TOP1: variants seen among roughly 807,000 people sequenced by gnomAD.
TOP1 encodes the protein DNA topoisomerase I, also known as DNA topoisomerase 1.
A neutral mutation model predicts 111.1 loss-of-function variants in TOP1; 10 were observed. That is an observed-to-expected ratio of 0.09 (90% CI 0.06 to 0.15). TOP1 has a LOEUF of 0.15. Ranked by LOEUF, TOP1 falls within the 10% of genes least tolerant of loss-of-function variation. The probability of loss-of-function intolerance (pLI) is 1.00; values close to 1 mark genes in which losing one functional copy is unlikely to be tolerated. For missense variants in TOP1, 474 were observed against 926.7 expected, an observed-to-expected ratio of 0.51 and a Z score of 6.34; for synonymous variants, 271 against 302.9, an observed-to-expected ratio of 0.89 and a Z score of 1.10.
At position 41,098,459 on chromosome 20, in the gene TOP1, G is replaced by C. The variant is rs1478816788; in HGVS notation, c.975+122G>C. The C allele has an allele frequency of 2.7e-6, 3 of 1,127,288 alleles. No individual in the cohort carries two copies. Among genetic ancestry groups the C allele is most frequent in the Non-Finnish European group, 3.8e-6 (3 of 799,322 alleles). 69.8% of individuals were successfully genotyped at this position (1,127,288 alleles called of 1,614,324 possible). A position where few individuals can be genotyped will look rare whatever the true frequency, so the allele number is the denominator to read the frequency against. ...TAATTTCACATCATTCTATGCTAAA[G>C]ACTTAGAGTTCTCAAAGTCTAAATT... On this transcript the variant is annotated intron_variant, in intron 11 of 20. Coordinates refer to ENST00000361337, the MANE Select transcript of TOP1 (RefSeq NM_003286.4). The surrounding 1 kb of genome is among the most constrained non-coding windows in gnomAD (Gnocchi z 5.7).
rs1342363017 is a variant in TOP1, at chr20:41,070,464, A to C, written c.156-5707A>C. Reference sequence around the variant, plus strand: ...GTGTAATGATGATGGACATTAAGGAACCCTTGTTTCTTAGTGCCTTTTGGA... The same window carrying C: ...GTGTAATGATGATGGACATTAAGGACCCCTTGTTTCTTAGTGCCTTTTGGA... On this transcript the variant is annotated intron_variant, in intron 3 of 20. Coordinates refer to ENST00000361337, the MANE Select transcript of TOP1 (RefSeq NM_003286.4). Among the ~76,000 whole-genome samples the C allele has an allele frequency of 2.6e-5, 4 of 152,312 alleles. No homozygotes were observed. In the East Asian group the frequency reaches 5.8e-4, roughly 22 times the overall value.
intron 2 of TOP1, among the ~76,000 whole-genome samples, chr20:41,054,067 G>A (rs772259324): frequency 1.1e-4 from 17 of 152,152 alleles, no homozygotes; most frequent in Non-Finnish European, 1.6e-4. Context: ...AAACTTAGAG[G>A]TGATATATGT....
chr20:41,062,858 TC>T (rs2033562184), intron 3 of TOP1, among the ~76,000 whole-genome samples: 1 of 152,232 alleles, frequency 6.6e-6, no homozygotes, highest in Non-Finnish European at 1.5e-5. Context: ...ACCAACTTGA[TC>T]TAATCGACAT....
At chr20:41,047,419 A>G in intron 2 of TOP1, among the ~76,000 whole-genome samples, 1 of 152,258 alleles carries the variant, frequency 6.6e-6, no homozygotes. Context: ...GCAACAGGCT[A>G]TACCATATAG....
chr20:41,077,301 G>A lies in TOP1; in HGVS notation c.280-281G>A, dbSNP rs371897293. Among the ~76,000 whole-genome samples the A allele has an allele frequency of 2.6e-4, 39 of 152,314 alleles. No homozygotes were observed. The East Asian group carries it at 4.6e-3, about 18-fold the overall frequency. On this transcript the variant is annotated intron_variant, in intron 4 of 20. Coordinates refer to ENST00000361337, the MANE Select transcript of TOP1 (RefSeq NM_003286.4). Reference sequence around the variant, plus strand: ...ATGGCAAATTCTTGAGTAGTGGAATGTATTTATTGGGGAAAAGAGACCTGC... The same window carrying A: ...ATGGCAAATTCTTGAGTAGTGGAATATATTTATTGGGGAAAAGAGACCTGC...
Position 41,114,787 on chromosome 20 carries a change from T to G in TOP1, c.1639-584T>G, listed in dbSNP as rs2034302541. 6.6e-6 allele frequency among the ~76,000 whole-genome samples: 1 copy of G among 152,130 alleles called. No individual in the cohort carries two copies. Among genetic ancestry groups the G allele is most frequent in the Non-Finnish European group, 1.5e-5 (1 of 68,020 alleles). On this transcript the variant is annotated intron_variant, in intron 15 of 20. Coordinates refer to ENST00000361337, the MANE Select transcript of TOP1 (RefSeq NM_003286.4). The surrounding 1 kb of genome is among the most constrained non-coding windows in gnomAD (Gnocchi z 4.5). ...AGTCCCAACCTAATCTTTTCCATAG[T>G]ATTGGGCTTGAACCAGAGACTTACA...
chr20:41,093,505 C>T (rs1333508144), intron 9 of TOP1, among the ~76,000 whole-genome samples: 1 of 152,020 alleles, frequency 6.6e-6, no homozygotes, highest in African/African-American at 2.4e-5. Context: ...CCCAGCATTC[C>T]TCTTCCACCT....
chr20:41,090,305 C>T (rs946756597), intron 8 of TOP1, among the ~76,000 whole-genome samples: 1 of 151,816 alleles, frequency 6.6e-6, no homozygotes, highest in Non-Finnish European at 1.5e-5. Flanking sequence ...TCTTTTTTTT[C>T]CCCTCCACCT....
chr20:41,035,949 G>C (rs2033179682), intron 2 of TOP1, among the ~76,000 whole-genome samples: 1 of 152,142 alleles, frequency 6.6e-6, no homozygotes, highest in Non-Finnish European at 1.5e-5. Flanking sequence ...TAGCCCCTTT[G>C]TTTCCTTGTA....
rs549435945 is a variant in TOP1, at chr20:41,095,104, T to C, written c.731-2116T>C. ...TCACACTCTGTCACCCAGGCTGGAG[T>C]GCAGTGGCACAATCTTGGCTCACTG... On this transcript the variant is annotated intron_variant, in intron 9 of 20. Coordinates refer to ENST00000361337, the MANE Select transcript of TOP1 (RefSeq NM_003286.4). This position sits in a 1 kb window ranked among gnomAD's most constrained non-coding sequence, Gnocchi z 4.6. 4.6e-5 allele frequency among the ~76,000 whole-genome samples: 7 copies of C among 152,294 alleles called. No homozygotes were observed. Among genetic ancestry groups the C allele is most frequent in the Admixed American group, 1.3e-4 (2 of 15,300 alleles).
At chr20:41,060,405 GAAT>G (rs2033530094) in intron 2 of TOP1, among the ~76,000 whole-genome samples, 1 of 152,110 alleles carries the variant, frequency 6.6e-6, no homozygotes, top group African/African-American at 2.4e-5. Flanking sequence ...GACACAAAAA[GAAT>G]AAATCCTATA....
chr20:41,086,391 T>C (rs1247455340), intron 8 of TOP1, among the ~76,000 whole-genome samples: 1 of 152,204 alleles, frequency 6.6e-6, no homozygotes, highest in Non-Finnish European at 1.5e-5. Flanking sequence ...AATAAAGTGA[T>C]TGTGTAAATT....
intron 2 of TOP1, among the ~76,000 whole-genome samples, chr20:41,060,393 C>G (rs184340873): frequency 2.2e-4 from 34 of 152,292 alleles, no homozygotes; most frequent in African/African-American, 7.9e-4. Context: ...AGAAAGACAT[C>G]AGACACAAAA....
At position 41,095,717 on chromosome 20, in the gene TOP1, G is replaced by C. The variant is rs985889505; in HGVS notation, c.731-1503G>C. On this transcript the variant is annotated intron_variant, in intron 9 of 20. Transcript: ENST00000361337. The surrounding 1 kb of genome is among the most constrained non-coding windows in gnomAD (Gnocchi z 4.6). ...GAGTTTTGAAATAAATGGATTTCTG[G>C]TTAAATTTTAGTTTTCTATAAAGAA... is the stretch of plus-strand genomic sequence containing the variant. 1.3e-5 allele frequency among the ~76,000 whole-genome samples: 2 copies of C among 152,198 alleles called. No individual in the cohort carries two copies. The highest frequency in any genetic ancestry group is 2.4e-5 in the African/African-American group (1 of 41,448).
rs1252631398 is a variant in TOP1 at position 41,032,451 on chromosome 20, G to A, written c.58+2996G>A. Among the ~76,000 whole-genome samples, 1 of 152,210 alleles carries A rather than the reference G, an allele frequency of 6.6e-6. No individual in the cohort carries two copies. The highest frequency in any genetic ancestry group is 1.5e-5 in the Non-Finnish European group (1 of 68,042). On this transcript the variant is annotated intron_variant, in intron 2 of 20. Transcript: ENST00000361337. The surrounding 1 kb of genome is among the most constrained non-coding windows in gnomAD (Gnocchi z 4.3). ...CTAAGTATTGGTAGAACTAACTGTAGTGGGGCTGAGTCATTATTACAGTAC... is the reference window on the plus strand; with the variant it reads ...CTAAGTATTGGTAGAACTAACTGTAATGGGGCTGAGTCATTATTACAGTAC...
In TOP1 at chr20:41,050,899, A is replaced by ATTTTTTTAGAT. The variant is rs1555803217; in HGVS notation, c.59-10487_59-10486insGATTTTTTTTA. On this transcript the variant is annotated intron_variant, in intron 2 of 20. Transcript: ENST00000361337. Reference sequence around the variant, plus strand: ...GTATAGAGTGTTAAAGAGAATGTTGATTTTTTTAAAACTTCTGCTTTTGGG... The same window carrying ATTTTTTTAGAT: ...GTATAGAGTGTTAAAGAGAATGTTGATTTTTTTAGATTTTTTTTAAAACTTCTGCTTTTGGG... Among the ~76,000 whole-genome samples, 46 of 152,144 alleles carry ATTTTTTTAGAT rather than the reference A, an allele frequency of 3.0e-4. No individual in the cohort carries two copies. In the South Asian group the frequency reaches 9.3e-3, roughly 31 times the overall value.
Position 41,100,092 on chromosome 20 carries a change from T to C in TOP1, c.1012T>C (p.Tyr338His). 1 of 1,612,782 alleles carries C rather than the reference T, an allele frequency of 6.2e-7. No individual in the cohort carries two copies. Among genetic ancestry groups the C allele is most frequent in the Non-Finnish European group, 8.5e-7 (1 of 1,179,228 alleles). ...GGAGAATGAAAAATTACTGAAAGAA[T>C]ATGGATTCTGTATTATGGATAACCA... The part of the protein sequence containing the change: ...KEENEKLLKE[Y>H]GFCIMDNHKE... The change falls in exon 12 of 21, where the codon TAT (tyrosine) becomes CAT (histidine). Residue 338 changes from tyrosine to histidine, a missense_variant. Around this residue, in one of 14 missense-constraint regions of TOP1, gnomAD observed 14 missense variants for 66.1 expected, o/e 0.21. Coordinates refer to ENST00000361337, the MANE Select transcript of TOP1 (RefSeq NM_003286.4). The surrounding 1 kb of genome is among the most constrained non-coding windows in gnomAD (Gnocchi z 4.4).
At position 41,121,342 on chromosome 20, in the gene TOP1, A is replaced by G. The variant is rs969311267; in HGVS notation, c.1951-354A>G. Among the ~76,000 whole-genome samples the G allele has an allele frequency of 3.3e-5, 5 of 152,188 alleles. No homozygotes were observed. Among genetic ancestry groups the G allele is most frequent in the Admixed American group, 6.5e-5 (1 of 15,276 alleles). ...AAAGCTAAGAACTGGCACAGGATCT[A>G]TTTGATAAACAGCTGTCATTTGTAG... is the stretch of plus-strand genomic sequence containing the variant. On this transcript the variant is annotated intron_variant, in intron 18 of 20. Coordinates refer to ENST00000361337, the MANE Select transcript of TOP1 (RefSeq NM_003286.4). The surrounding 1 kb of genome is among the most constrained non-coding windows in gnomAD (Gnocchi z 4.2).
intron 2 of TOP1, among the ~76,000 whole-genome samples, chr20:41,045,538 G>A (rs1466148357): frequency 2.0e-5 from 3 of 152,150 alleles, no homozygotes; most frequent in African/African-American, 7.2e-5. Context: ...TTTTATCTCA[G>A]CAACCCTATG....
Sources: allele counts gnomAD v4.1 joint callset (sites outside exome capture counted in the v4.1 genomes callset), GRCh38; gene constraint gnomAD v4.1.1; regional missense constraint gnomAD v4.1.1; non-coding constraint Gnocchi (gnomAD v3.1); transcripts MANE v1.5; gene names NCBI Gene and HGNC (gene_info 2026-07-23, HGNC 2026-07-21).